The following SNTB1 variants were observed in gnomAD, a reference collection of about 807,000 sequenced individuals.
SNTB1 encodes syntrophin beta 1.
SNTB1 carries 36 observed loss-of-function variants against 48.9 expected under a neutral mutation model. The observed-to-expected ratio is 0.74, with a 90% confidence interval of 0.56 to 0.97. SNTB1 has a LOEUF of 0.97. Among genes scored for constraint, SNTB1 ranks in the 50% least tolerant of loss-of-function variants. SNTB1 has a pLI of 0.00. For synonymous variants in SNTB1, 299 were observed against 294.6 expected (o/e 1.01, Z -0.15); for missense variants, 786 against 703.4 (o/e 1.12, Z -1.33).
chr8:120,733,655 C>T (rs553478903), intron 1 of SNTB1, among the ~76,000 whole-genome samples: 1 of 152,264 alleles, frequency 6.6e-6, no homozygotes, highest in East Asian at 1.9e-4. Flanking sequence ...CAACCATATC[C>T]CTTCCATTTG....
chr8:120,779,945 C>T (rs977193761), intron 1 of SNTB1, among the ~76,000 whole-genome samples: 2 of 152,034 alleles, frequency 1.3e-5, no homozygotes, highest in African/African-American at 2.4e-5. Flanking sequence ...AATATATCCA[C>T]GTAGGGCTCT....
chr8:120,581,088 C>CAAAAAAA (rs775547135), intron 3 of SNTB1, among the ~76,000 whole-genome samples: 24 of 89,808 alleles, frequency 2.7e-4, no homozygotes, highest in African/African-American at 4.5e-4. Flanking sequence ...GACCCTGTCT[C>CAAAAAAA]AAAAAAAAAA....
chr8:120,636,059 T>G lies in SNTB1; in HGVS notation c.789-3408A>C, dbSNP rs1817070596. The stretch of plus-strand genomic sequence containing the variant: ...TCTAAAGAACTCAAGGCTTTTTTTT[T>G]TATTATTTTAAAAAGGAATTTATTT... On this transcript the variant is annotated intron_variant, in intron 2 of 6. Transcript: ENST00000517992. 7.9e-6 allele frequency: 6 copies of G among 760,360 alleles called. No homozygotes were observed. The South Asian group carries it at 1.5e-4, about 19-fold the overall frequency. The allele number at this position is 760,360 out of a possible 1,614,324, so 47.1% of individuals were successfully genotyped here. A position where few individuals can be genotyped will look rare whatever the true frequency, so the allele number is the denominator to read the frequency against.
chr8:120,738,097 G>A (rs1173096715), intron 1 of SNTB1, among the ~76,000 whole-genome samples: 1 of 152,088 alleles, frequency 6.6e-6, no homozygotes, highest in African/African-American at 2.4e-5. Context: ...AATGAGATTA[G>A]TATTCTTGTA....
intron 1 of SNTB1, among the ~76,000 whole-genome samples, chr8:120,738,460 A>G (rs1818985018): frequency 6.6e-6 from 1 of 152,090 alleles, no homozygotes; most frequent in Admixed American, 6.6e-5. Context: ...AAGAGTTATT[A>G]TTATCTTCAT....
chr8:120,688,409 G>C (rs1347105752), intron 2 of SNTB1, among the ~76,000 whole-genome samples: 1 of 152,066 alleles, frequency 6.6e-6, no homozygotes, highest in African/African-American at 2.4e-5. Context: ...TATGAAAAGC[G>C]AGCAGATAAA....
chr8:120,707,815 A>G (rs1818401477), intron 1 of SNTB1, among the ~76,000 whole-genome samples: 2 of 152,216 alleles, frequency 1.3e-5, no homozygotes, highest in Non-Finnish European at 2.9e-5. Flanking sequence ...TACTTCAAGT[A>G]ACATGAAGAC....
At chr8:120,749,068 TATA>T (rs1329106544) in intron 1 of SNTB1, among the ~76,000 whole-genome samples, 3 of 152,202 alleles carry the variant, frequency 2.0e-5, no homozygotes, top group African/African-American at 7.2e-5. Context: ...TATAAAAAAT[TATA>T]ATGACTTATA....
intron 1 of SNTB1, among the ~76,000 whole-genome samples, chr8:120,781,047 A>G (rs1033650462): frequency 6.6e-6 from 1 of 152,204 alleles, no homozygotes; most frequent in Non-Finnish European, 1.5e-5. Context: ...CCTTAGAGTG[A>G]AGCAAAAGCT....
At chr8:120,595,202 C>T (rs1325122230) in intron 3 of SNTB1, among the ~76,000 whole-genome samples, 1 of 152,124 alleles carries the variant, frequency 6.6e-6, no homozygotes, top group Non-Finnish European at 1.5e-5. Context: ...TAAAATGAGG[C>T]TGAGTCCTAC....
At chr8:120,712,799 A>C (rs1309727119) in intron 1 of SNTB1, among the ~76,000 whole-genome samples, 1 of 152,136 alleles carries the variant, frequency 6.6e-6, no homozygotes, top group Admixed American at 6.5e-5. Flanking sequence ...TTTATTTTCC[A>C]TATGAAGAAG....
intron 2 of SNTB1, among the ~76,000 whole-genome samples, chr8:120,692,567 C>T (rs1404549916): frequency 4.6e-5 from 7 of 152,118 alleles, no homozygotes; most frequent in African/African-American, 1.7e-4. Context: ...AATTTTACTT[C>T]CTCTTGGCTG....
intron 2 of SNTB1, among the ~76,000 whole-genome samples, chr8:120,688,295 T>G (rs1395557147): frequency 1.3e-5 from 2 of 152,250 alleles, no homozygotes; most frequent in African/African-American, 4.8e-5. Flanking sequence ...CTGGTTTCTT[T>G]AAGCTTCCTA....
At chr8:120,559,068 CCAAA>C (rs1243783176) in intron 4 of SNTB1, among the ~76,000 whole-genome samples, 4 of 152,274 alleles carry the variant, frequency 2.6e-5, no homozygotes, top group Admixed American at 6.5e-5. Flanking sequence ...AGCCCTTCAA[CCAAA>C]CAAAGCAGTA....
chr8:120,792,754 G>A (rs1428507446), intron 1 of SNTB1, among the ~76,000 whole-genome samples: 1 of 151,990 alleles, frequency 6.6e-6, no homozygotes, highest in East Asian at 1.9e-4. Context: ...TTACGAAAAG[G>A]TAGCTGGTTG....
At position 120,811,478 on chromosome 8, in the gene SNTB1, C is replaced by G. The variant is rs747781941; in HGVS notation, c.366G>C (p.Gly122=). The G allele has an allele frequency of 5.0e-6, 8 of 1,614,022 alleles. 1 individual carries two copies. In the South Asian group the frequency reaches 7.7e-5, roughly 16 times the overall value. ...GVKVLKQELG[G]LGISIKGGKE... The stretch of plus-strand genomic sequence containing the variant: ...TGCCCCCCTTGATGCTGATCCCCAG[C>G]CCGCCCAGCTCCTGCTTCAGCACCT... Residue 122 remains glycine, a synonymous_variant, in exon 1 of 7, where the codon GGG becomes GGC. Coordinates refer to ENST00000517992, the MANE Select transcript of SNTB1 (RefSeq NM_021021.4).
intron 4 of SNTB1, among the ~76,000 whole-genome samples, chr8:120,566,624 C>A (rs1749063774): frequency 6.6e-6 from 1 of 152,206 alleles, no homozygotes; most frequent in Non-Finnish European, 1.5e-5. Flanking sequence ...CAGCAGCACA[C>A]AATCTTCTAA....
intron 2 of SNTB1, chr8:120,636,022 T>C (rs775156397): frequency 2.0e-6 from 2 of 1,002,502 alleles, no homozygotes; most frequent in Non-Finnish European, 2.7e-6. Flanking sequence ...TTTTGCAAGA[T>C]GGCTACTGAG....
intron 1 of SNTB1, among the ~76,000 whole-genome samples, chr8:120,721,731 C>A (rs77656221): frequency 6.6e-6 from 1 of 151,764 alleles, no homozygotes; most frequent in African/African-American, 2.4e-5. Context: ...TTATTTTTTT[C>A]ATTTTTAAAT....
Sources: gnomAD v4.1 joint callset for allele counts (sites outside exome capture counted in the v4.1 genomes callset) on GRCh38, gnomAD v4.1.1 for gene constraint, MANE v1.5 for transcripts, NCBI Gene and HGNC (gene_info 2026-07-23, HGNC 2026-07-21) for gene names.